MECOM: variants seen among roughly 807,000 people sequenced by gnomAD.
The protein encoded by MECOM is histone-lysine N-methyltransferase MECOM.
MECOM carries 13 observed loss-of-function variants against 116.3 expected under a neutral mutation model. The observed-to-expected ratio is 0.11, with a 90% CI of 0.07 to 0.18. MECOM has a LOEUF of 0.18. Among genes scored for constraint, MECOM ranks in the 10% least tolerant of loss-of-function variants. MECOM has a pLI of 1.00. For missense variants in MECOM, 1,299 were observed against 1,509.0 expected (o/e 0.86, Z 2.31); for synonymous variants, 528 against 535.2 (o/e 0.99, Z 0.19).
chr3:169,486,577 T>C (rs1362630523), intron 1 of MECOM, among the ~76,000 whole-genome samples: 1 of 152,030 alleles, frequency 6.6e-6, no homozygotes, highest in Non-Finnish European at 1.5e-5. Context: ...CAAAGATCTA[T>C]TGAAAATATA....
intron 2 of MECOM, among the ~76,000 whole-genome samples, chr3:169,325,503 C>T (rs1472363383): frequency 6.6e-6 from 1 of 152,094 alleles, no homozygotes; most frequent in Non-Finnish European, 1.5e-5. Flanking sequence ...TGTGAAGCCC[C>T]AAGACATTCT....
intron 2 of MECOM, among the ~76,000 whole-genome samples, chr3:169,308,959 CCACTAAGGTTTAA>C (rs1445303859): frequency 2.0e-5 from 3 of 152,146 alleles, no homozygotes; most frequent in Admixed American, 1.3e-4. Flanking sequence ...TGACATTCCA[CCACTAAGGTTTAA>C]CTCAAGTGGC....
At chr3:169,606,408 CA>C (rs774934955) in intron 1 of MECOM, among the ~76,000 whole-genome samples, 1,259 of 110,392 alleles carry the variant, frequency 0.011, 15 homozygotes, top group African/African-American at 0.035. Flanking sequence ...GTCTTCGTCT[CA>C]AAAAAAAAAA....
intron 2 of MECOM, among the ~76,000 whole-genome samples, chr3:169,197,739 A>T (rs1748620326): frequency 6.6e-6 from 1 of 152,004 alleles, no homozygotes. Flanking sequence ...AGGTTTGTGA[A>T]GTGATGAACT....
At chr3:169,437,047 G>A (rs373118488) in intron 1 of MECOM, among the ~76,000 whole-genome samples, 17 of 152,072 alleles carry the variant, frequency 1.1e-4, no homozygotes, top group African/African-American at 3.4e-4. Flanking sequence ...TAAAAGTCTC[G>A]TGAGTAAAAT....
chr3:169,376,908 G>T lies in MECOM; in HGVS notation c.375+4279C>A, dbSNP rs530554179. 2.0e-5 allele frequency among the ~76,000 whole-genome samples: 3 copies of T among 152,166 alleles called. No individual in the cohort carries two copies. In the South Asian group the frequency reaches 6.2e-4, roughly 32 times the overall value. On this transcript the variant is annotated intron_variant, in intron 2 of 16. Transcript: ENST00000651503. The stretch of plus-strand genomic sequence containing the variant: ...AAAAGAACAAAGCTGGAGGTGTCAC[G>T]CTGCCTGACTTCAAACTATACTATA...
chr3:169,477,267 A>T (rs1033917073), intron 1 of MECOM, among the ~76,000 whole-genome samples: 1 of 151,332 alleles, frequency 6.6e-6, no homozygotes, highest in Admixed American at 6.6e-5. Flanking sequence ...GAGAACTCCA[A>T]ATGGTAACTG....
intron 8 of MECOM, among the ~76,000 whole-genome samples, chr3:169,114,538 T>C (rs985058769): frequency 6.6e-6 from 1 of 152,200 alleles, no homozygotes; most frequent in Non-Finnish European, 1.5e-5. Context: ...ACTCCGATGT[T>C]AAATAAGTTC....
intron 12 of MECOM, among the ~76,000 whole-genome samples, chr3:169,096,575 A>G (rs887000632): frequency 3.9e-5 from 6 of 152,062 alleles, no homozygotes; most frequent in Non-Finnish European, 1.5e-5. Context: ...CAGCCTCCAA[A>G]TGACTTATAA....
chr3:169,095,072 G>A lies in MECOM; in HGVS notation c.3019+4C>T, dbSNP rs369936185. On this transcript the variant is annotated splice_donor_region_variant and intron_variant, in intron 13 of 16. Transcript: ENST00000651503. ...TTTGACTTATAACACAATTTATTACGTACCGGACATGTTCCCATTCTCATG... is the reference window on the plus strand; with the variant it reads ...TTTGACTTATAACACAATTTATTACATACCGGACATGTTCCCATTCTCATG... 2.2e-5 allele frequency: 35 copies of A among 1,589,290 alleles called. No homozygotes were observed. The highest frequency in any genetic ancestry group is 1.1e-4 in the Admixed American group (6 of 57,104).
At chr3:169,413,013 T>C (rs1441931416) in intron 1 of MECOM, among the ~76,000 whole-genome samples, 2 of 152,194 alleles carry the variant, frequency 1.3e-5, no homozygotes. Flanking sequence ...TTTTAGAAAA[T>C]ATATAAAAGC....
rs377578480 is a variant in MECOM, at chr3:169,273,337, A to G, written c.375+107850T>C. On this transcript the variant is annotated intron_variant, in intron 2 of 16. Transcript: ENST00000651503. The stretch of plus-strand genomic sequence containing the variant: ...ATATAGTTCAAAATGTTAAAGCCAT[A>G]TATGCTGTGTAGGAGCACTTTACCA... Among the ~76,000 whole-genome samples, 4 of 152,330 alleles carry G rather than the reference A, an allele frequency of 2.6e-5. No individual in the cohort carries two copies. The East Asian group carries it at 7.7e-4, about 29-fold the overall frequency.
At chr3:169,569,639 A>AC in intron 1 of MECOM, among the ~76,000 whole-genome samples, 1 of 152,232 alleles carries the variant, frequency 6.6e-6, no homozygotes, top group Admixed American at 6.5e-5. Flanking sequence ...AGTCTCTCAG[A>AC]CCACAGTGCA....
At chr3:169,635,179 T>A (rs1304451902) in intron 1 of MECOM, among the ~76,000 whole-genome samples, 1 of 152,226 alleles carries the variant, frequency 6.6e-6, no homozygotes, top group Non-Finnish European at 1.5e-5. Flanking sequence ...GGGAAGTTAC[T>A]GAACCTCTGC....
intron 1 of MECOM, among the ~76,000 whole-genome samples, chr3:169,598,745 C>T (rs1046172360): frequency 6.6e-6 from 1 of 152,020 alleles, no homozygotes; most frequent in Non-Finnish European, 1.5e-5. Context: ...TATCTGTTGA[C>T]GTTATTATCA....
chr3:169,359,416 CT>C (rs1727824234), intron 2 of MECOM, among the ~76,000 whole-genome samples: 1 of 151,726 alleles, frequency 6.6e-6, no homozygotes, highest in African/African-American at 2.4e-5. Context: ...AGGAATCAAA[CT>C]TCAAATGAAC....
chr3:169,110,630 T>C (rs568374509), intron 9 of MECOM, among the ~76,000 whole-genome samples: 1 of 152,312 alleles, frequency 6.6e-6, no homozygotes, highest in African/African-American at 2.4e-5. Context: ...ACCCCTCAGA[T>C]AGTCCCACTA....
intron 2 of MECOM, among the ~76,000 whole-genome samples, chr3:169,181,979 G>A (rs1577273865): frequency 6.6e-6 from 1 of 152,264 alleles, no homozygotes; most frequent in East Asian, 1.9e-4. Flanking sequence ...GCTCAGAAGA[G>A]GACCTTAGAA....
chr3:169,566,664 T>C (rs569341281), intron 1 of MECOM, among the ~76,000 whole-genome samples: 2 of 152,240 alleles, frequency 1.3e-5, no homozygotes, highest in East Asian at 3.9e-4. Context: ...CCATGCTCCC[T>C]GCAGCCAGCC....
Sources: gnomAD v4.1 joint callset for allele counts (sites outside exome capture counted in the v4.1 genomes callset) on GRCh38, gnomAD v4.1.1 for gene constraint, MANE v1.5 for transcripts, NCBI Gene and HGNC (gene_info 2026-07-23, HGNC 2026-07-21) for gene names.